SLC25A16: variants seen among roughly 807,000 people sequenced by gnomAD.
The protein encoded by SLC25A16 is mitochondrial coenzyme A transporter SLC25A16.
A neutral mutation model predicts 41.5 loss-of-function variants in SLC25A16; 39 were observed. The ratio of observed to expected loss-of-function variants is 0.94; its 90% CI spans 0.73 to 1.23. The LOEUF (loss-of-function observed/expected upper bound fraction) is 1.23. Among genes scored for constraint, SLC25A16 ranks in the 50% most tolerant of loss-of-function variants. The probability of loss-of-function intolerance (pLI) is 0.00; values close to 1 mark genes in which losing one functional copy is unlikely to be tolerated. For missense variants in SLC25A16, 421 were observed against 426.9 expected (o/e 0.99, Z 0.12); for synonymous variants, 146 against 147.8 (o/e 0.99, Z 0.09).
At position 68,480,805 on chromosome 10, in the gene SLC25A16, T is replaced by C. The variant is rs2052476441; in HGVS notation, c.*2627A>G. 6.7e-6 allele frequency: 1 copy of C among 150,280 alleles called. No homozygotes were observed. Among genetic ancestry groups the C allele is most frequent in the Admixed American group, 6.6e-5 (1 of 15,056 alleles). 9.3% of individuals were successfully genotyped at this position (150,280 alleles called of 1,614,324 possible). A position where few individuals can be genotyped will look rare whatever the true frequency, so the allele number is the denominator to read the frequency against. Reference sequence around the variant, plus strand: ...GCCACCATGCCCGGCTCAATACTTATTTTATATACTTAAATTATCTTAACA... The same window carrying C: ...GCCACCATGCCCGGCTCAATACTTACTTTATATACTTAAATTATCTTAACA... On this transcript the variant is annotated 3_prime_UTR_variant, in exon 9 of 9. Coordinates refer to ENST00000609923, the MANE Select transcript of SLC25A16 (RefSeq NM_152707.4).
intron 2 of SLC25A16, among the ~76,000 whole-genome samples, chr10:68,511,458 C>G (rs1353560343): frequency 6.6e-6 from 1 of 151,984 alleles, no homozygotes; most frequent in African/African-American, 2.4e-5. Context: ...AGTGTGAAAT[C>G]TAATATGAAT....
chr10:68,485,343 G>A (rs888035969), intron 8 of SLC25A16, among the ~76,000 whole-genome samples: 1 of 152,120 alleles, frequency 6.6e-6, no homozygotes, highest in African/African-American at 2.4e-5. Flanking sequence ...TCCCGCGTCA[G>A]CCTCCCAAAG....
intron 2 of SLC25A16, among the ~76,000 whole-genome samples, chr10:68,513,660 C>T (rs762239754): frequency 2.0e-5 from 3 of 152,016 alleles, no homozygotes; most frequent in Non-Finnish European, 4.4e-5. Flanking sequence ...AAGGACAAGG[C>T]GGGCAGGTCA....
intron 2 of SLC25A16, among the ~76,000 whole-genome samples, chr10:68,512,149 C>A (rs898307266): frequency 6.6e-6 from 1 of 152,160 alleles, no homozygotes; most frequent in Admixed American, 6.6e-5. Context: ...AGGCAGGGCA[C>A]AGTGGCTCAT....
At chr10:68,522,181 A>G (rs542679669) in intron 1 of SLC25A16, among the ~76,000 whole-genome samples, 8 of 151,958 alleles carry the variant, frequency 5.3e-5, no homozygotes, top group Non-Finnish European at 1.0e-4. Flanking sequence ...AAAAGAAAAA[A>G]GAAAAGAAGG....
At chr10:68,493,961 G>C (rs2052705944) in intron 4 of SLC25A16, among the ~76,000 whole-genome samples, 1 of 152,186 alleles carries the variant, frequency 6.6e-6, no homozygotes. Flanking sequence ...AGCAACCATG[G>C]ACGGAAAATG....
chr10:68,491,360 G>A (rs1430343012), intron 6 of SLC25A16, among the ~76,000 whole-genome samples: 1 of 151,984 alleles, frequency 6.6e-6, no homozygotes, highest in Non-Finnish European at 1.5e-5. Context: ...CAAGTAGCTG[G>A]GATTACAGGC....
At chr10:68,491,354 T>C (rs2052654354) in intron 6 of SLC25A16, among the ~76,000 whole-genome samples, 1 of 152,044 alleles carries the variant, frequency 6.6e-6, no homozygotes, top group East Asian at 1.9e-4. Context: ...GCCTCCCAAG[T>C]AGCTGGGATT....
In SLC25A16 at chr10:68,480,482, T is replaced by A. The variant is rs1020108582; in HGVS notation, c.*2950A>T. Reference sequence around the variant, plus strand: ...AATCCCCTTTTACTGATAACCTAACTGAGGTATCTTTTTTTTTTTTTTTTT... The same window carrying A: ...AATCCCCTTTTACTGATAACCTAACAGAGGTATCTTTTTTTTTTTTTTTTT... On this transcript the variant is annotated 3_prime_UTR_variant, in exon 9 of 9. Coordinates refer to ENST00000609923, the MANE Select transcript of SLC25A16 (RefSeq NM_152707.4). 1 of 140,836 alleles carries A rather than the reference T, an allele frequency of 7.1e-6. No homozygotes were observed. Among genetic ancestry groups the A allele is most frequent in the Non-Finnish European group, 1.5e-5 (1 of 66,260 alleles). 8.7% of individuals were successfully genotyped at this position (140,836 alleles called of 1,614,324 possible).
chr10:68,494,987 G>T (rs1323252239), intron 4 of SLC25A16, among the ~76,000 whole-genome samples: 1 of 151,692 alleles, frequency 6.6e-6, no homozygotes, highest in East Asian at 2.0e-4. Context: ...AATTTGTAAA[G>T]GTAAAGGAGG....
At chr10:68,497,870 C>A (rs977657417) in intron 4 of SLC25A16, among the ~76,000 whole-genome samples, 1 of 151,886 alleles carries the variant, frequency 6.6e-6, no homozygotes, top group Non-Finnish European at 1.5e-5. Flanking sequence ...CCCAGCTTGA[C>A]CTCCCAAAAT....
rs1359827830 is a variant in SLC25A16 at position 68,479,280 on chromosome 10, GCC to G, written c.*4150_*4151del. 6.6e-6 allele frequency: 1 copy of G among 152,154 alleles called. No individual in the cohort carries two copies. The highest frequency in any genetic ancestry group is 1.9e-4 in the East Asian group (1 of 5,198). The allele number at this position is 152,154 out of a possible 1,614,324, so 9.4% of individuals were successfully genotyped here. A position where few individuals can be genotyped will look rare whatever the true frequency, so the allele number is the denominator to read the frequency against. On this transcript the variant is annotated 3_prime_UTR_variant, in exon 9 of 9. Coordinates refer to ENST00000609923, the MANE Select transcript of SLC25A16 (RefSeq NM_152707.4). Reference sequence around the variant, plus strand: ...TCTGACGCCATACCCTGTGCTCCCTGCCCTTGAAGGAACCAGATATTGGGATG... The same window carrying G: ...TCTGACGCCATACCCTGTGCTCCCTGCTTGAAGGAACCAGATATTGGGATG...
chr10:68,494,677 GA>G (rs746248572), intron 4 of SLC25A16, among the ~76,000 whole-genome samples: 1 of 142,388 alleles, frequency 7.0e-6, no homozygotes, highest in Non-Finnish European at 1.6e-5. Context: ...AGGAGTTCGA[GA>G]CCAGCCTGGC....
chr10:68,512,286 C>G (rs967949917), intron 2 of SLC25A16, among the ~76,000 whole-genome samples: 5 of 151,896 alleles, frequency 3.3e-5, no homozygotes, highest in Middle Eastern at 6.8e-3. Context: ...CACCCTGTCA[C>G]AAATAAATAA....
At position 68,481,472 on chromosome 10, in the gene SLC25A16, T is replaced by C. The variant is rs1198892482; in HGVS notation, c.*1960A>G. ...AACACTTTCAACTTAGTTTTCCTTCTTTTGTTTGAAAGAAACGGGGTCTCA... is the reference window on the plus strand; with the variant it reads ...AACACTTTCAACTTAGTTTTCCTTCCTTTGTTTGAAAGAAACGGGGTCTCA... On this transcript the variant is annotated 3_prime_UTR_variant, in exon 9 of 9. Coordinates refer to ENST00000609923, the MANE Select transcript of SLC25A16 (RefSeq NM_152707.4). The C allele has an allele frequency of 6.6e-6, 1 of 152,150 alleles. No homozygotes were observed. The allele number at this position is 152,150 out of a possible 1,614,324, so 9.4% of individuals were successfully genotyped here. A position where few individuals can be genotyped will look rare whatever the true frequency, so the allele number is the denominator to read the frequency against.
At position 68,488,573 on chromosome 10, in the gene SLC25A16, T is replaced by A. The variant is rs942938997; in HGVS notation, c.667A>T (p.Thr223Ser). 1.2e-6 allele frequency: 2 copies of A among 1,610,964 alleles called. No homozygotes were observed. The highest frequency in any genetic ancestry group is 4.5e-5 in the East Asian group (2 of 44,826). ...TCTGATGAAGGTCTGCCAAGAAGGG[T>A]AGGAGCATGGGAAAGCCCAACACTC... ...LKSVGLSHAPTLLGRPSSDNP... is the reference protein window; with the variant it reads ...LKSVGLSHAPSLLGRPSSDNP... The change falls in exon 7 of 9, where the codon ACC becomes TCC. Residue 223 changes from threonine to serine, a missense_variant. Transcript: ENST00000609923.
chr10:68,509,584 C>T (rs1407593761), intron 2 of SLC25A16, among the ~76,000 whole-genome samples: 3 of 150,886 alleles, frequency 2.0e-5, no homozygotes, highest in East Asian at 2.0e-4. Flanking sequence ...TGCGTGGTGG[C>T]GCTCGCAATT....
intron 4 of SLC25A16, among the ~76,000 whole-genome samples, chr10:68,494,397 G>A (rs554237608): frequency 1.3e-4 from 20 of 148,308 alleles, no homozygotes; most frequent in Non-Finnish European, 2.6e-4. Flanking sequence ...AGGAGGCGGA[G>A]GTTGCAGTGA....
intron 2 of SLC25A16, among the ~76,000 whole-genome samples, chr10:68,510,157 T>C (rs2053035801): frequency 6.6e-6 from 1 of 152,258 alleles, no homozygotes; most frequent in South Asian, 2.1e-4. Context: ...GTGACACTTT[T>C]TATAAAAAGT....
Sources: allele counts gnomAD v4.1 joint callset (sites outside exome capture counted in the v4.1 genomes callset), GRCh38; gene constraint gnomAD v4.1.1; transcripts MANE v1.5; gene names NCBI Gene and HGNC (gene_info 2026-07-23, HGNC 2026-07-21).